The following IFT122 variants were observed in gnomAD, a reference collection of about 807,000 sequenced individuals.
IFT122 encodes the protein intraflagellar transport 122.
In IFT122, 118 loss-of-function variants were observed where a neutral mutation model predicts 161.6. The observed-to-expected ratio is 0.73, with a 90% CI of 0.63 to 0.85. IFT122 has a LOEUF of 0.85. Ranked by LOEUF, IFT122 falls within the 40% of genes least tolerant of loss-of-function variation. IFT122 has a pLI of 0.00. For missense variants in IFT122, 1,381 were observed against 1,579.6 expected (o/e 0.87, Z 2.13); for synonymous variants, 550 against 602.4 (o/e 0.91, Z 1.27).
At chr3:129,461,535 C>T in intron 5 of IFT122, 1 of 553,254 alleles carries the variant, frequency 1.8e-6, no homozygotes, top group Non-Finnish European at 3.3e-6. Flanking sequence ...AGGGCCCCAG[C>T]AAAGGAAATG....
intron 7 of IFT122, 56 bp from the exon 8 acceptor site, chr3:129,466,833 AT>A: frequency 6.5e-7 from 1 of 1,539,510 alleles, no homozygotes; most frequent in Non-Finnish European, 9.0e-7. Context: ...ATTTTAAATT[AT>A]AGTTTTAGTG....
intron 27 of IFT122, 145 bp downstream of exon 27, chr3:129,517,739 A>C: frequency 1.8e-6 from 2 of 1,132,340 alleles, no homozygotes; most frequent in Non-Finnish European, 1.3e-6. Flanking sequence ...AGAGGCCCAC[A>C]TGGGACAGGG....
chr3:129,509,973 A>G lies in IFT122; in HGVS notation c.2886+2211A>G, dbSNP rs147660181. ...TTAATATTGGAAGAGTACCTAGCAC[A>G]GAGTGACCCTAGGTGGCAGCTATCC... On this transcript the variant is annotated intron_variant, in intron 23 of 29. Coordinates refer to ENST00000348417, the MANE Select transcript of IFT122 (RefSeq NM_052989.3). Among the ~76,000 whole-genome samples, 6 of 152,370 alleles carry G rather than the reference A, an allele frequency of 3.9e-5. No homozygotes were observed. The East Asian group carries it at 1.2e-3, about 29-fold the overall frequency.
intron 22 of IFT122, among the ~76,000 whole-genome samples, chr3:129,507,043 A>C (rs2082261461): frequency 6.6e-6 from 1 of 152,218 alleles, no homozygotes; most frequent in South Asian, 2.1e-4. Context: ...ACAAGGCCAC[A>C]TGCAGGGGTG....
intron 13 of IFT122, 166 bp from the exon 14 acceptor site, chr3:129,481,364 C>G: frequency 1.4e-6 from 1 of 692,568 alleles, no homozygotes; most frequent in South Asian, 1.6e-5. Flanking sequence ...AAGCCATTGC[C>G]CCCCACCCCC....
chr3:129,505,617 C>A (rs369489464), intron 21 of IFT122, among the ~76,000 whole-genome samples: 1 of 152,156 alleles, frequency 6.6e-6, no homozygotes, highest in East Asian at 1.9e-4. Flanking sequence ...TCTCTGAAGG[C>A]GGAGGATTAG....
chr3:129,457,737 T>G (rs1459390023), intron 3 of IFT122, among the ~76,000 whole-genome samples: 1 of 147,010 alleles, frequency 6.8e-6, no homozygotes, highest in Non-Finnish European at 1.5e-5. Context: ...GAATAGTTTT[T>G]TTTTTTTTTT....
chr3:129,451,675 T>C (rs1016284502), intron 2 of IFT122, among the ~76,000 whole-genome samples: 5 of 152,232 alleles, frequency 3.3e-5, no homozygotes, highest in African/African-American at 1.2e-4. Flanking sequence ...ATTGAACCTT[T>C]GGTTCTCAAG....
chr3:129,453,958 A>T (rs2075148804), intron 3 of IFT122, among the ~76,000 whole-genome samples: 2 of 152,210 alleles, frequency 1.3e-5, no homozygotes, highest in Non-Finnish European at 2.9e-5. Context: ...TTCTTCATGT[A>T]TCAAATGGAT....
rs953298582 is a variant in IFT122 at position 129,481,702 on chromosome 3, C to A, written c.1653+8C>A. On this transcript the variant is annotated splice_region_variant and intron_variant, in intron 14 of 29. Coordinates refer to ENST00000348417, the MANE Select transcript of IFT122 (RefSeq NM_052989.3). ...AAGGAGCTGCTTTTTCAGGTGAAGT[C>A]CCTGAGGGGGCCCAGGGACATCATC... 6 of 1,613,804 alleles carry A rather than the reference C, an allele frequency of 3.7e-6. No homozygotes were observed. Among genetic ancestry groups the A allele is most frequent in the Non-Finnish European group, 5.1e-6 (6 of 1,179,772 alleles).
intron 3 of IFT122, among the ~76,000 whole-genome samples, chr3:129,452,664 T>C (rs932379239): frequency 3.3e-5 from 5 of 152,048 alleles, no homozygotes; most frequent in Non-Finnish European, 7.4e-5. Flanking sequence ...GTAACAGACA[T>C]GGGGTGGTCA....
In IFT122 at chr3:129,512,388, A is replaced by G; in HGVS notation, c.2963A>G (p.Asp988Gly). ...TTCCTGCTGCACAGCCTGCCCAAGGACACCCCCTCGGGCATCTCTAAAGTG... is the reference window on the plus strand; with the variant it reads ...TTCCTGCTGCACAGCCTGCCCAAGGGCACCCCCTCGGGCATCTCTAAAGTG... ...SRFLLHSLPK[D>G]TPSGISKVKI... Residue 988 changes from aspartate to glycine, a missense_variant, in exon 24 of 30, where the codon GAC becomes GGC. This residue lies in a region of IFT122 where 496 missense variants were observed against 502.5 expected (regional missense o/e 0.99). Transcript: ENST00000348417. The G allele has an allele frequency of 1.9e-6, 3 of 1,612,400 alleles. No homozygotes were observed.
chr3:129,503,324 C>T (rs1321403321), intron 20 of IFT122, among the ~76,000 whole-genome samples: 2 of 151,876 alleles, frequency 1.3e-5, no homozygotes, highest in Non-Finnish European at 2.9e-5. Flanking sequence ...ACTGTGAGAG[C>T]CATTTCAGGG....
chr3:129,514,436 A>G lies in IFT122; in HGVS notation c.3035A>G (p.Tyr1012Cys), dbSNP rs1161758121. 1.9e-6 allele frequency: 3 copies of G among 1,614,176 alleles called. No homozygotes were observed. The highest frequency in any genetic ancestry group is 2.2e-5 in the South Asian group (2 of 91,082). ...AAGCAGAGCAAGGCCCTCGGTGCCTACAGGCTGGCCCGGCACGCCTATGAC... is the reference window on the plus strand; with the variant it reads ...AAGCAGAGCAAGGCCCTCGGTGCCTGCAGGCTGGCCCGGCACGCCTATGAC... ...LAKQSKALGA[Y>C]RLARHAYDKL... is the part of the protein sequence containing the mutation. The change falls in exon 25 of 30, where the codon TAC (tyrosine) becomes TGC (cysteine). Residue 1012 changes from tyrosine (Y) to cysteine (C), a missense_variant. Physicochemically the swap from Tyr to Cys is radical, Grantham distance 194. This residue lies in a region of IFT122 where 496 missense variants were observed against 502.5 expected (regional missense o/e 0.99). Coordinates refer to ENST00000348417, the MANE Select transcript of IFT122 (RefSeq NM_052989.3).
intron 5 of IFT122, among the ~76,000 whole-genome samples, chr3:129,462,288 G>A (rs1264233195): frequency 6.6e-6 from 1 of 152,072 alleles, no homozygotes; most frequent in Non-Finnish European, 1.5e-5. Flanking sequence ...CTTAGGAGAA[G>A]GTGGGATTAA....
At chr3:129,485,370 G>A (rs760486634) in intron 15 of IFT122, among the ~76,000 whole-genome samples, 8 of 152,186 alleles carry the variant, frequency 5.3e-5, no homozygotes, top group Non-Finnish European at 1.0e-4. Flanking sequence ...ACTCATGACT[G>A]CAAGACTTAC....
At chr3:129,468,248 A>G (rs2108178978) in intron 8 of IFT122, among the ~76,000 whole-genome samples, 1 of 152,354 alleles carries the variant, frequency 6.6e-6, no homozygotes, top group African/African-American at 2.4e-5. Context: ...TGGTGCTACC[A>G]GGTTACCACA....
intron 8 of IFT122, among the ~76,000 whole-genome samples, chr3:129,467,471 G>A (rs2076931091): frequency 6.6e-6 from 1 of 152,044 alleles, no homozygotes; most frequent in African/African-American, 2.4e-5. Context: ...CGAAGAACAT[G>A]ATTTTTAATG....
At chr3:129,478,784 C>T (rs1265768819) in intron 12 of IFT122, among the ~76,000 whole-genome samples, 1 of 152,144 alleles carries the variant, frequency 6.6e-6, no homozygotes, top group African/African-American at 2.4e-5. Flanking sequence ...TCTTGTCATA[C>T]TGGGATTAGA....
Sources: gnomAD v4.1 joint callset for allele counts (sites outside exome capture counted in the v4.1 genomes callset) on GRCh38, gnomAD v4.1.1 for gene constraint, gnomAD v4.1.1 regional missense constraint, MANE v1.5 for transcripts, NCBI Gene and HGNC (gene_info 2026-07-23, HGNC 2026-07-21) for gene names.